Variants in CALN1 observed in about 807,000 individuals in gnomAD.
The protein encoded by CALN1 is calneuron 1.
CALN1 carries 17 observed loss-of-function variants against 30.6 expected under a neutral mutation model. That is an observed-to-expected ratio of 0.56 (90% CI 0.38 to 0.83). CALN1 has a LOEUF of 0.83. Among genes scored for constraint, CALN1 ranks in the 40% least tolerant of loss-of-function variants. The pLI, the probability that CALN1 is intolerant of heterozygous loss-of-function variation, is 0.00. For missense variants in CALN1, 291 were observed against 354.9 expected (o/e 0.82, Z 1.45); for synonymous variants, 156 against 131.4 (o/e 1.19, Z -1.28).
At chr7:71,908,442 C>T (rs767972582) in intron 5 of CALN1, among the ~76,000 whole-genome samples, 5 of 152,092 alleles carry the variant, frequency 3.3e-5, no homozygotes, top group African/African-American at 4.8e-5. Flanking sequence ...ACAAAGTTAA[C>T]GTCGAAAGGT....
chr7:72,498,937 C>G, the CALN1 span, among the ~76,000 whole-genome samples: 5 of 151,938 alleles, frequency 3.3e-5, no homozygotes, highest in Non-Finnish European at 7.4e-5. Flanking sequence ...TACACAGACT[C>G]ATACGCAAAT....
chr7:72,209,198 CTCCTTCCCTCCT>C (rs1792147992), intron 3 of CALN1, among the ~76,000 whole-genome samples: 11 of 74,136 alleles, frequency 1.5e-4, no homozygotes, highest in South Asian at 5.7e-4. Flanking sequence ...CTTTCCTTCC[CTCCTTCCCTCCT>C]TCCTTCCCTC....
chr7:71,836,480 A>G (rs1789608191), intron 5 of CALN1, among the ~76,000 whole-genome samples: 1 of 151,990 alleles, frequency 6.6e-6, no homozygotes, highest in African/African-American at 2.4e-5. Flanking sequence ...AGTGACTTTC[A>G]CCTTCATAGA....
At chr7:72,180,434 G>A (rs1471450525) in intron 3 of CALN1, among the ~76,000 whole-genome samples, 3 of 151,088 alleles carry the variant, frequency 2.0e-5, no homozygotes, top group Admixed American at 6.6e-5. Flanking sequence ...TGCAAACACC[G>A]TATTTCATTC....
intron 4 of CALN1, among the ~76,000 whole-genome samples, chr7:72,080,804 CT>C (rs1438750919): frequency 6.6e-6 from 1 of 152,168 alleles, no homozygotes; most frequent in African/African-American, 2.4e-5. Flanking sequence ...CAGCAAACCA[CT>C]CTTTTACTAG....
chr7:72,189,865 T>C (rs1478560499), intron 3 of CALN1, among the ~76,000 whole-genome samples: 1 of 152,118 alleles, frequency 6.6e-6, no homozygotes, highest in African/African-American at 2.4e-5. Context: ...AATTCCTTCC[T>C]AGCTTCTTTA....
At chr7:72,043,134 C>T (rs1434726727) in intron 4 of CALN1, among the ~76,000 whole-genome samples, 1 of 152,214 alleles carries the variant, frequency 6.6e-6, no homozygotes, top group Non-Finnish European at 1.5e-5. Flanking sequence ...ATGTTTAACT[C>T]TGTGCAGTGC....
intron 5 of CALN1, among the ~76,000 whole-genome samples, chr7:71,833,233 T>C (rs1789396763): frequency 6.6e-6 from 1 of 152,188 alleles, no homozygotes; most frequent in Admixed American, 6.5e-5. Context: ...TGTGTGAGAA[T>C]CGCCTGCTGA....
chr7:72,238,134 A>C (rs539398376), intron 3 of CALN1, among the ~76,000 whole-genome samples: 2 of 152,226 alleles, frequency 1.3e-5, no homozygotes, highest in Admixed American at 1.3e-4. Context: ...TCACCTTGGG[A>C]AACATTGCAA....
intron 2 of CALN1, among the ~76,000 whole-genome samples, chr7:72,392,891 T>A (rs761436115): frequency 1.7e-4 from 26 of 152,000 alleles, no homozygotes; most frequent in Non-Finnish European, 3.8e-4. Context: ...CCCAGCTACT[T>A]CGGAGGCTGA....
intron 5 of CALN1, among the ~76,000 whole-genome samples, chr7:71,912,938 G>C (rs1158798641): frequency 6.6e-6 from 1 of 152,206 alleles, no homozygotes; most frequent in Non-Finnish European, 1.5e-5. Context: ...AGCCAGGGCT[G>C]TGATTGAGCC....
Position 72,114,701 on chromosome 7 carries a change from A to G in CALN1, c.245-8407T>C, listed in dbSNP as rs117967430. 4.5e-3 allele frequency among the ~76,000 whole-genome samples: 687 copies of G among 152,254 alleles called. 1 individual carries two copies. The highest frequency in any genetic ancestry group is 7.8e-3 in the Non-Finnish European group (530 of 68,002). Reference sequence around the variant, plus strand: ...AAGGCAGAGGGAAGTGTGCTAGAAAAAGGAGGCTGGGGCTAGGCATGGCGG... The same window carrying G: ...AAGGCAGAGGGAAGTGTGCTAGAAAGAGGAGGCTGGGGCTAGGCATGGCGG... On this transcript the variant is annotated intron_variant, in intron 3 of 6. Coordinates refer to ENST00000395275, the MANE Select transcript of CALN1 (RefSeq NM_031468.4).
At chr7:72,070,382 A>T (rs1046345472) in intron 4 of CALN1, among the ~76,000 whole-genome samples, 1 of 152,172 alleles carries the variant, frequency 6.6e-6, no homozygotes, top group Non-Finnish European at 1.5e-5. Context: ...AATGTGTCCA[A>T]CTGCTGCAGG....
chr7:72,089,123 A>T (rs1805681597), intron 4 of CALN1, among the ~76,000 whole-genome samples: 1 of 152,184 alleles, frequency 6.6e-6, no homozygotes, highest in African/African-American at 2.4e-5. Context: ...AGTTGTAAAA[A>T]ATGGGAGGAA....
chr7:72,356,391 G>C (rs2129559536), intron 2 of CALN1, among the ~76,000 whole-genome samples: 1 of 152,052 alleles, frequency 6.6e-6, no homozygotes, highest in South Asian at 2.1e-4. Flanking sequence ...ACAAAATGTA[G>C]GAATGGGGTA....
chr7:72,139,058 G>A (rs973039588), intron 3 of CALN1, among the ~76,000 whole-genome samples: 5 of 152,196 alleles, frequency 3.3e-5, no homozygotes, highest in Non-Finnish European at 5.9e-5. Context: ...CCAGAGTGGT[G>A]TGTCAAAGAC....
intron 5 of CALN1, among the ~76,000 whole-genome samples, chr7:71,938,106 T>C (rs373578200): frequency 9.9e-5 from 15 of 152,138 alleles, no homozygotes; most frequent in African/African-American, 3.4e-4. Flanking sequence ...ATCAGAGAGA[T>C]TGGCACAGAG....
At chr7:72,419,150 G>A (rs1807524688) in intron 1 of CALN1, among the ~76,000 whole-genome samples, 1 of 152,146 alleles carries the variant, frequency 6.6e-6, no homozygotes, top group African/African-American at 2.4e-5. Flanking sequence ...ACACACGAAT[G>A]CCCTGCTGAC....
intron 2 of CALN1, among the ~76,000 whole-genome samples, chr7:72,301,998 A>G (rs951388129): frequency 7.2e-5 from 11 of 152,204 alleles, no homozygotes; most frequent in Admixed American, 3.3e-4. Flanking sequence ...AGACCTTGGA[A>G]GAATTTTAAT....
Sources: gnomAD v4.1 joint callset for allele counts (sites outside exome capture counted in the v4.1 genomes callset) on GRCh38, gnomAD v4.1.1 for gene constraint, MANE v1.5 for transcripts, NCBI Gene and HGNC (gene_info 2026-07-23, HGNC 2026-07-21) for gene names.